The following SLC36A1 variants were observed in gnomAD, a reference collection of about 807,000 sequenced individuals.
SLC36A1 encodes proton-coupled amino acid transporter 1.
A neutral mutation model predicts 47.5 loss-of-function variants in SLC36A1; 30 were observed. The observed-to-expected ratio is 0.63, with a 90% CI of 0.47 to 0.86. The LOEUF (loss-of-function observed/expected upper bound fraction) is 0.86. SLC36A1 is among the 40% of genes least tolerant of loss of function. The pLI is 0.00. For missense variants in SLC36A1, 517 were observed against 606.0 expected (o/e 0.85, Z 1.54); for synonymous variants, 255 against 249.7 (o/e 1.02, Z -0.20).
At chr5:151,512,133 C>A in the SLC36A1 span, 1 of 1,593,930 alleles carries the variant, frequency 6.3e-7, no homozygotes, top group Admixed American at 1.7e-5. This position sits in a 1 kb window ranked among gnomAD's most constrained non-coding sequence, Gnocchi z 4.1. Flanking sequence ...CTGGGATAAA[C>A]CCTGGGTTCA....
the SLC36A1 span, among the ~76,000 whole-genome samples, chr5:151,365,407 C>G: frequency 1.3e-5 from 2 of 152,160 alleles, no homozygotes; most frequent in Admixed American, 6.5e-5. Context: ...TTGACAGGCT[C>G]AGGGAAAGTG....
the SLC36A1 span, chr5:151,544,975 A>G: frequency 1.9e-6 from 3 of 1,614,104 alleles, no homozygotes; most frequent in Non-Finnish European, 2.5e-6. Context: ...ACCCTGAGCC[A>G]CCCGCTGAGG....
At chr5:151,380,883 T>C in the SLC36A1 span, 1 of 429,218 alleles carries the variant, frequency 2.3e-6, no homozygotes, top group South Asian at 1.8e-5. Context: ...GTGAAGAAAG[T>C]CCAAGGGACG....
rs183526395 is a variant in SLC36A1 at position 151,448,840 on chromosome 5, C to T, written c.-6+1027C>T. Among the ~76,000 whole-genome samples, 282 of 152,286 alleles carry T rather than the reference C, an allele frequency of 1.9e-3. 1 individual carries two copies. Among genetic ancestry groups the T allele is most frequent in the African/African-American group, 6.7e-3 (279 of 41,560 alleles). On this transcript the variant is annotated intron_variant, in intron 1 of 10. Transcript: ENST00000243389. ...TCGCGTTTGGGTTTCTCAGTCTAGA[C>T]AGTGATGGAATTGAATTCTTAAGGG...
intron 10 of SLC36A1, among the ~76,000 whole-genome samples, chr5:151,482,726 A>T (rs1004526002): frequency 2.0e-5 from 3 of 152,158 alleles, no homozygotes; most frequent in Admixed American, 2.0e-4. Flanking sequence ...CATGTTGGAC[A>T]TGGTGGTTGT....
chr5:151,549,564 T>C, the SLC36A1 span: 1 of 1,478,892 alleles, frequency 6.8e-7, no homozygotes, highest in African/African-American at 1.4e-5. Flanking sequence ...GAGGCAGGGT[T>C]AGGGTAAGGT....
the SLC36A1 span, chr5:151,529,313 G>C: frequency 6.2e-7 from 1 of 1,613,958 alleles, no homozygotes; most frequent in Non-Finnish European, 8.5e-7. Flanking sequence ...GGGAAGAGGA[G>C]CTCTTCCGGC....
chr5:151,541,163 TTTTA>T, the SLC36A1 span, among the ~76,000 whole-genome samples: 11 of 152,340 alleles, frequency 7.2e-5, no homozygotes, highest in Non-Finnish European at 1.0e-4. Context: ...CAAGGTTTTA[TTTTA>T]TAACTAAGGA....
chr5:151,422,044 G>A, the SLC36A1 span: 3 of 152,268 alleles, frequency 2.0e-5, no homozygotes, highest in East Asian at 1.9e-4. Context: ...ATTCTGGCAG[G>A]TGCATGAACA....
the SLC36A1 span, among the ~76,000 whole-genome samples, chr5:151,400,670 TTTTTG>T: frequency 5.9e-5 from 9 of 152,152 alleles, no homozygotes; most frequent in East Asian, 1.9e-4. Flanking sequence ...CAATACCCGT[TTTTTG>T]TTTTGTTTTG....
At chr5:151,544,750 GAT>G in the SLC36A1 span, 1 of 1,614,162 alleles carries the variant, frequency 6.2e-7, no homozygotes, top group Non-Finnish European at 8.5e-7. Flanking sequence ...TTTCTTGAGT[GAT>G]ATGTCCCCAA....
intron 7 of SLC36A1, chr5:151,469,251 G>A (rs1418353951): frequency 1.4e-6 from 1 of 701,154 alleles, no homozygotes; most frequent in Non-Finnish European, 2.6e-6. Flanking sequence ...TCTAGATCCT[G>A]TGAATGGATT....
At chr5:151,542,705 CAGTG>C in the SLC36A1 span, 1 of 1,614,228 alleles carries the variant, frequency 6.2e-7, no homozygotes, top group Non-Finnish European at 8.5e-7. Context: ...GGCATATTCT[CAGTG>C]AGGACAGCCT....
At chr5:151,371,350 A>G in the SLC36A1 span, among the ~76,000 whole-genome samples, 1 of 152,244 alleles carries the variant, frequency 6.6e-6, no homozygotes, top group African/African-American at 2.4e-5. Flanking sequence ...AAGCAAATGG[A>G]AAACAAACAT....
chr5:151,522,747 G>A, the SLC36A1 span, among the ~76,000 whole-genome samples: 4 of 152,144 alleles, frequency 2.6e-5, no homozygotes, highest in Non-Finnish European at 5.9e-5. Context: ...ACAGACAGAG[G>A]GAGCAGCAAG....
chr5:151,530,778 T>C, the SLC36A1 span, among the ~76,000 whole-genome samples: 1 of 152,100 alleles, frequency 6.6e-6, no homozygotes, highest in Non-Finnish European at 1.5e-5. Context: ...GTGTCTGCGG[T>C]TGGATGGATG....
At chr5:151,414,388 A>G in the SLC36A1 span, among the ~76,000 whole-genome samples, 1 of 146,988 alleles carries the variant, frequency 6.8e-6, no homozygotes, top group Admixed American at 6.6e-5. Flanking sequence ...TGAAGCATAT[A>G]GAGAGAAGTA....
intron 6 of SLC36A1, 128 bp downstream of exon 6, chr5:151,467,411 A>C: frequency 1.4e-6 from 1 of 698,052 alleles, no homozygotes; most frequent in Non-Finnish European, 2.4e-6. Context: ...AAGTTTTCAT[A>C]TTTTACATAG....
the SLC36A1 span, among the ~76,000 whole-genome samples, chr5:151,367,361 A>ATTTTTTTTTTTTTTTTTTTTTT: frequency 2.8e-4 from 33 of 118,852 alleles, no homozygotes; most frequent in Non-Finnish European, 3.8e-4. Flanking sequence ...CCAGGAATGC[A>ATTTTTTTTTTTTTTTTTTTTTT]TTTTTTTTTT....
Sources: gnomAD v4.1 joint callset for allele counts (sites outside exome capture counted in the v4.1 genomes callset) on GRCh38, gnomAD v4.1.1 for gene constraint, Gnocchi (gnomAD v3.1) non-coding constraint, MANE v1.5 for transcripts, NCBI Gene and HGNC (gene_info 2026-07-23, HGNC 2026-07-21) for gene names.